The following TMEM163 variants were observed in gnomAD, a reference collection of about 807,000 sequenced individuals.
The protein encoded by TMEM163 is transmembrane protein 163.
In TMEM163, 17 loss-of-function variants were observed where a neutral mutation model predicts 29.3. The observed-to-expected ratio is 0.58, with a 90% CI of 0.40 to 0.87. The LOEUF is 0.87. Among genes scored for constraint, TMEM163 ranks in the 40% least tolerant of loss-of-function variants. TMEM163 has a pLI of 0.00. For missense variants in TMEM163, 303 were observed against 381.5 expected (o/e 0.79, Z 1.71); for synonymous variants, 157 against 160.6 (o/e 0.98, Z 0.17).
chr2:134,643,766 G>C (rs1683270124), intron 2 of TMEM163, among the ~76,000 whole-genome samples: 1 of 151,644 alleles, frequency 6.6e-6, no homozygotes, highest in Non-Finnish European at 1.5e-5. Context: ...CTAAAAGCCA[G>C]TATAGTAATG....
chr2:134,536,867 G>A (rs1403026103), intron 4 of TMEM163, among the ~76,000 whole-genome samples: 1 of 152,118 alleles, frequency 6.6e-6, no homozygotes, highest in Non-Finnish European at 1.5e-5. Flanking sequence ...GGGCCTACAG[G>A]CACTTAGAAA....
intron 2 of TMEM163, among the ~76,000 whole-genome samples, chr2:134,577,582 G>A (rs1681586520): frequency 6.6e-6 from 1 of 152,176 alleles, no homozygotes; most frequent in African/African-American, 2.4e-5. Context: ...CAGAGGTGCA[G>A]GGCCAGGAGA....
At chr2:134,538,614 C>T (rs72984210) in intron 4 of TMEM163, among the ~76,000 whole-genome samples, 6,765 of 121,248 alleles carry the variant, frequency 0.056, 505 homozygotes, top group African/African-American at 0.18. Context: ...TACAATGGAA[C>T]ATGATGCCAC....
chr2:134,531,228 G>A (rs1382142884), intron 4 of TMEM163, among the ~76,000 whole-genome samples: 1 of 152,182 alleles, frequency 6.6e-6, no homozygotes, highest in Non-Finnish European at 1.5e-5. Context: ...CGAAGGCGAG[G>A]TGGTGTGTGG....
rs56291030 is a variant in TMEM163, at chr2:134,521,003, CTTTTT to C, written c.459-18011_459-18007del. Among the ~76,000 whole-genome samples the C allele has an allele frequency of 1.1e-4, 16 of 146,446 alleles. 2 individuals are homozygous for C. Among genetic ancestry groups the C allele is most frequent in the African/African-American group, 4.1e-4 (16 of 39,496 alleles). On this transcript the variant is annotated intron_variant, in intron 4 of 7. Transcript: ENST00000281924. ...CCTTATGAAGCAAGGGCCTTGGGAA[CTTTTT>C]TTTTTTTTGAGAGGCAGCCTCCTTC...
rs780314825 is a variant in TMEM163, at chr2:134,466,106, T to C, written c.667+8A>G. 6.2e-7 allele frequency: 1 copy of C among 1,607,386 alleles called. No homozygotes were observed. The highest frequency in any genetic ancestry group is 1.1e-5 in the South Asian group (1 of 89,510). On this transcript the variant is annotated splice_region_variant and intron_variant, in intron 6 of 7. Transcript: ENST00000281924. ...CCCCCAGAGATTAGGCACCCTGGCC[T>C]TACTCACCATCTGTTATGAGTGCTC...
At chr2:134,665,021 G>T (rs1322890441) in intron 2 of TMEM163, among the ~76,000 whole-genome samples, 1 of 152,108 alleles carries the variant, frequency 6.6e-6, no homozygotes, top group Non-Finnish European at 1.5e-5. Context: ...CTACAGGAGT[G>T]CACCACCATG....
intron 5 of TMEM163, among the ~76,000 whole-genome samples, chr2:134,500,141 C>A (rs1428264378): frequency 6.6e-6 from 1 of 152,162 alleles, no homozygotes. Flanking sequence ...GTGCGCACAC[C>A]CCAGTTGCCA....
intron 2 of TMEM163, among the ~76,000 whole-genome samples, chr2:134,585,681 G>C (rs191304549): frequency 6.6e-6 from 1 of 151,590 alleles, no homozygotes; most frequent in African/African-American, 2.4e-5. Flanking sequence ...GGCGGAGCTT[G>C]CAGTGAGTCT....
At chr2:134,526,099 C>T (rs1220427768) in intron 4 of TMEM163, among the ~76,000 whole-genome samples, 1 of 152,198 alleles carries the variant, frequency 6.6e-6, no homozygotes, top group African/African-American at 2.4e-5. Flanking sequence ...TGGTGCTGGG[C>T]ACTAGACCTT....
intron 2 of TMEM163, among the ~76,000 whole-genome samples, chr2:134,654,177 A>G (rs1345694530): frequency 7.9e-6 from 1 of 125,936 alleles, no homozygotes. Flanking sequence ...AATGTGTGGG[A>G]GTCTAAGTCT....
chr2:134,466,169 G>A lies in TMEM163; in HGVS notation c.612C>T (p.Ala204=), dbSNP rs537446125. 9.9e-6 allele frequency: 16 copies of A among 1,613,992 alleles called. No individual in the cohort carries two copies. Among genetic ancestry groups the A allele is most frequent in the Admixed American group, 8.3e-5 (5 of 60,022 alleles). ...CCTTCCCCAGCATGAACTTCAACAC[G>A]GCCAGGATGCTGCAAAGAATCCCAC... ...ILSGILCSIL[A]VLKFMLGKVL... The change falls in exon 6 of 8, where the codon GCC becomes GCT. Residue 204 remains alanine, a synonymous_variant. Coordinates refer to ENST00000281924, the MANE Select transcript of TMEM163 (RefSeq NM_030923.5).
Position 134,705,281 on chromosome 2 carries a change from T to C in TMEM163, c.322+7919A>G, listed in dbSNP as rs376872404. Reference sequence around the variant, plus strand: ...CCAAAAATGCAGTTGTATTTGGAGATGGGGTCTTTAAAGAGGTAATTAAGT... The same window carrying C: ...CCAAAAATGCAGTTGTATTTGGAGACGGGGTCTTTAAAGAGGTAATTAAGT... On this transcript the variant is annotated intron_variant, in intron 2 of 7. Transcript: ENST00000281924. 6.6e-5 allele frequency among the ~76,000 whole-genome samples: 10 copies of C among 151,494 alleles called. No individual in the cohort carries two copies. The East Asian group carries it at 1.7e-3, about 26-fold the overall frequency.
chr2:134,634,608 T>C (rs993760798), intron 2 of TMEM163, among the ~76,000 whole-genome samples: 3 of 151,830 alleles, frequency 2.0e-5, no homozygotes, highest in South Asian at 4.2e-4. Flanking sequence ...AAGGAGAAAA[T>C]AGGATTAAGG....
chr2:134,503,814 G>T (rs897306639), intron 4 of TMEM163, among the ~76,000 whole-genome samples: 1 of 152,018 alleles, frequency 6.6e-6, no homozygotes, highest in Admixed American at 6.5e-5. Flanking sequence ...GAAGGCTATG[G>T]GACTCAGGAC....
intron 2 of TMEM163, among the ~76,000 whole-genome samples, chr2:134,618,521 T>C (rs943351484): frequency 2.0e-5 from 3 of 152,124 alleles, no homozygotes; most frequent in African/African-American, 7.2e-5. Context: ...ATATAAAAAA[T>C]TGAATAACAT....
chr2:134,615,144 A>G (rs1682581744), intron 2 of TMEM163, among the ~76,000 whole-genome samples: 1 of 152,204 alleles, frequency 6.6e-6, no homozygotes. Context: ...GATGGATTTC[A>G]ATGTTTTTTG....
intron 2 of TMEM163, among the ~76,000 whole-genome samples, chr2:134,606,631 C>G (rs940719461): frequency 6.6e-6 from 1 of 152,134 alleles, no homozygotes; most frequent in African/African-American, 2.4e-5. Context: ...CCTGTGTCAT[C>G]GCGCCCCAGC....
At chr2:134,646,687 C>T (rs1291994177) in intron 2 of TMEM163, among the ~76,000 whole-genome samples, 1 of 152,030 alleles carries the variant, frequency 6.6e-6, no homozygotes, top group African/African-American at 2.4e-5. Flanking sequence ...TCAAGTGATC[C>T]ACCTGCCTCA....
Sources: allele counts gnomAD v4.1 joint callset (sites outside exome capture counted in the v4.1 genomes callset), GRCh38; gene constraint gnomAD v4.1.1; transcripts MANE v1.5; gene names NCBI Gene and HGNC (gene_info 2026-07-23, HGNC 2026-07-21).